The following STK16 variants were observed in gnomAD, a reference collection of about 807,000 sequenced individuals.
STK16 encodes the protein serine/threonine kinase 16, also known as serine/threonine-protein kinase 16.
In STK16, 28 loss-of-function variants were observed where a neutral mutation model predicts 37.8. The ratio of observed to expected loss-of-function variants is 0.74; its 90% CI spans 0.55 to 1.02. The LOEUF (loss-of-function observed/expected upper bound fraction) is 1.02, where lower values mean the gene tolerates loss of function less well. Ranked by LOEUF, STK16 falls within the 50% of genes least tolerant of loss-of-function variation. STK16 has a pLI of 0.00. For missense variants in STK16, 349 were observed against 390.6 expected (o/e 0.89, Z 0.90); for synonymous variants, 134 against 155.0 (o/e 0.86, Z 1.01).
At position 219,246,728 on chromosome 2, in the gene STK16, G is replaced by T. The variant is rs1353021577; in HGVS notation, c.158G>T (p.Cys53Phe). ...TTCTACGCCCTGAAGCGAATCCTGTGTCACGAGCAGCAGGACCGGGAGGAG... is the reference window on the plus strand; with the variant it reads ...TTCTACGCCCTGAAGCGAATCCTGTTTCACGAGCAGCAGGACCGGGAGGAG... The part of the protein sequence containing the change: ...GHFYALKRIL[C>F]HEQQDREEAQ... Residue 53 changes from cysteine to phenylalanine, a missense_variant, in exon 3 of 8, where the codon TGT becomes TTT. Coordinates refer to ENST00000396738, the MANE Select transcript of STK16 (RefSeq NM_001330213.2). The surrounding 1 kb of genome is among the most constrained non-coding windows in gnomAD (Gnocchi z 4.5). The T allele has an allele frequency of 1.2e-6, 2 of 1,614,246 alleles. No homozygotes were observed. Among genetic ancestry groups the T allele is most frequent in the Admixed American group, 3.3e-5 (2 of 60,032 alleles).
Position 219,245,749 on chromosome 2 carries a change from C to A in STK16, c.-152C>A. 3.2e-6 allele frequency: 1 copy of A among 311,752 alleles called. No homozygotes were observed. 19.3% of individuals were successfully genotyped at this position (311,752 alleles called of 1,614,324 possible). A position where few individuals can be genotyped will look rare whatever the true frequency, so the allele number is the denominator to read the frequency against. Reference sequence around the variant, plus strand: ...TGAGGCCGTAAGGCGCCTGACCCCACCCCTGAAGCTGGCGACGGAGCAGGG... The same window carrying A: ...TGAGGCCGTAAGGCGCCTGACCCCAACCCTGAAGCTGGCGACGGAGCAGGG... On this transcript the variant is annotated 5_prime_UTR_variant, in exon 1 of 8. Transcript: ENST00000396738.
In STK16 at chr2:219,245,804, C is replaced by G; in HGVS notation, c.-105+8C>G. On this transcript the variant is annotated splice_region_variant and intron_variant, in intron 1 of 7. Transcript: ENST00000396738. ...TTTTCTCTACACTATAGTGTAGGTT[C>G]CAGAGACCTGGGCCTGAGCTCTCCG... 1.9e-6 allele frequency: 1 copy of G among 516,244 alleles called. No homozygotes were observed. The highest frequency in any genetic ancestry group is 2.2e-5 in the South Asian group (1 of 45,298). The allele number at this position is 516,244 out of a possible 1,614,324, so 32.0% of individuals were successfully genotyped here. A position where few individuals can be genotyped will look rare whatever the true frequency, so the allele number is the denominator to read the frequency against.
intron 6 of STK16, 32 bp from the exon 7 acceptor site, chr2:219,248,161 C>A: frequency 6.2e-7 from 1 of 1,612,584 alleles, no homozygotes; most frequent in Non-Finnish European, 8.5e-7. Flanking sequence ...CTCCACTGGT[C>A]CCCTTCTAGG....
Position 219,247,665 on chromosome 2 carries a change from T to A in STK16, c.565T>A (p.Trp189Arg), listed in dbSNP as rs2125066300. Residue 189 changes from tryptophan (W) to arginine (R), a missense_variant, in exon 6 of 8, where the codon TGG becomes AGG. Physicochemically the swap from Trp to Arg is moderately radical, Grantham distance 101. Transcript: ENST00000396738. ...GSRQALTLQD[W>R]AAQRCTISYR... Reference sequence around the variant, plus strand: ...AGCTCTGGGATCACTGTTCCAGGACTGGGCAGCCCAGCGGTGCACCATCTC... The same window carrying A: ...AGCTCTGGGATCACTGTTCCAGGACAGGGCAGCCCAGCGGTGCACCATCTC... 6 of 1,611,878 alleles carry A rather than the reference T, an allele frequency of 3.7e-6. No homozygotes were observed. Among genetic ancestry groups the A allele is most frequent in the Non-Finnish European group, 4.2e-6 (5 of 1,178,236 alleles).
rs200102494 is a variant in STK16 at position 219,247,409 on chromosome 2, C to CTGT, written c.441-5_441-4insGTT. The CTGT allele has an allele frequency of 9.5e-4, 1,540 of 1,614,200 alleles. 17 individuals are homozygous for CTGT. The African/African-American group carries it at 0.018, about 19-fold the overall frequency. ...ATGCTCATAGGTCACTTCTACTTCT[C>CTGT]TACAGAGACTTGAAGCCCACCAATA... On this transcript the variant is annotated splice_region_variant and splice_polypyrimidine_tract_variant and intron_variant, in intron 4 of 7. Coordinates refer to ENST00000396738, the MANE Select transcript of STK16 (RefSeq NM_001330213.2).
At position 219,245,508 on chromosome 2, in the gene STK16, T is replaced by C. The variant is rs1951507581; in HGVS notation, c.-393T>C. The C allele has an allele frequency of 1.3e-5, 2 of 153,358 alleles. No individual in the cohort carries two copies. The highest frequency in any genetic ancestry group is 3.9e-4 in the East Asian group (2 of 5,184). The allele number at this position is 153,358 out of a possible 1,614,324, so 9.5% of individuals were successfully genotyped here. On this transcript the variant is annotated 5_prime_UTR_variant, in exon 1 of 8. Coordinates refer to ENST00000396738, the MANE Select transcript of STK16 (RefSeq NM_001330213.2). The stretch of plus-strand genomic sequence containing the variant: ...CTGCTTCCGGTCGGTGGCGCTTCTC[T>C]CTGGCCCGAGCCAGGTCAGTCCGGC...
chr2:219,246,482 A>G lies in STK16; in HGVS notation c.87-175A>G, dbSNP rs1348011814. On this transcript the variant is annotated intron_variant, in intron 2 of 7. Coordinates refer to ENST00000396738, the MANE Select transcript of STK16 (RefSeq NM_001330213.2). This position sits in a 1 kb window ranked among gnomAD's most constrained non-coding sequence, Gnocchi z 4.5. ...ACCATAGGACCTCAAAGATTTCTAT[A>G]TCTCTGCTCCTGAGGAGCTCACGGT... 4 of 669,136 alleles carry G rather than the reference A, an allele frequency of 6.0e-6. No individual in the cohort carries two copies. The highest frequency in any genetic ancestry group is 4.9e-5 in the South Asian group (3 of 60,948). 41.4% of individuals were successfully genotyped at this position (669,136 alleles called of 1,614,324 possible). A position where few individuals can be genotyped will look rare whatever the true frequency, so the allele number is the denominator to read the frequency against.
intron 5 of STK16, 33 bp from the exon 6 acceptor site, chr2:219,247,629 C>T (rs1332416008): frequency 6.2e-7 from 1 of 1,613,378 alleles, no homozygotes; most frequent in South Asian, 1.1e-5. Context: ...ATGACCTGTG[C>T]CCCACTTTTG....
rs776930656 is a variant in STK16, at chr2:219,247,093, T to C, written c.307-20T>C. The C allele has an allele frequency of 8.1e-6, 13 of 1,613,930 alleles. No homozygotes were observed. The Admixed American group carries it at 2.0e-4, about 25-fold the overall frequency. On this transcript the variant is annotated intron_variant, in intron 3 of 7. Transcript: ENST00000396738. ...GAGGCTCCAAAAACATCTCCAACTG[T>C]AGGGAAACTTGTGTTGCAGAGAGGT...
Position 219,246,462 on chromosome 2 carries a change from A to T in STK16, c.87-195A>T, listed in dbSNP as rs954994727. 8 of 649,460 alleles carry T rather than the reference A, an allele frequency of 1.2e-5. No homozygotes were observed. The highest frequency in any genetic ancestry group is 9.1e-5 in the African/African-American group (5 of 55,180). 40.2% of individuals were successfully genotyped at this position (649,460 alleles called of 1,614,324 possible). ...GTGCAGAGGTCTCTATTACGACCAT[A>T]GGACCTCAAAGATTTCTATATCTCT... On this transcript the variant is annotated intron_variant, in intron 2 of 7. Transcript: ENST00000396738. This position sits in a 1 kb window ranked among gnomAD's most constrained non-coding sequence, Gnocchi z 4.5.
Position 219,248,191 on chromosome 2 carries a change from A to G in STK16, c.658-2A>G. Reference sequence around the variant, plus strand: ...TCTAGGGACTAATCAAGTTATGCTCAGTCCCTAGGCTGCGTGCTATATGCC... The same window carrying G: ...TCTAGGGACTAATCAAGTTATGCTCGGTCCCTAGGCTGCGTGCTATATGCC... On this transcript the variant is annotated splice_acceptor_variant, in intron 6 of 7. Transcript: ENST00000396738. LOFTEE classifies it high-confidence loss of function. 1 of 1,614,120 alleles carries G rather than the reference A, an allele frequency of 6.2e-7. No individual in the cohort carries two copies. Among genetic ancestry groups the G allele is most frequent in the South Asian group, 1.1e-5 (1 of 91,084 alleles).
In STK16 at chr2:219,247,254, G is replaced by A. The variant is rs372358084; in HGVS notation, c.440+8G>A. 1.7e-5 allele frequency: 28 copies of A among 1,613,964 alleles called. No individual in the cohort carries two copies. Among genetic ancestry groups the A allele is most frequent in the Non-Finnish European group, 2.3e-5 (27 of 1,179,986 alleles). ...CAAGGGTTATGCCCACAGGTCAGTG[G>A]GAGGACCCTGTGTGCTTGCTGGGGC... is the stretch of plus-strand genomic sequence containing the variant. On this transcript the variant is annotated splice_region_variant and intron_variant, in intron 4 of 7. Coordinates refer to ENST00000396738, the MANE Select transcript of STK16 (RefSeq NM_001330213.2).
At position 219,245,509 on chromosome 2, in the gene STK16, C is replaced by T. The variant is rs1445980999; in HGVS notation, c.-392C>T. ...TGCTTCCGGTCGGTGGCGCTTCTCTCTGGCCCGAGCCAGGTCAGTCCGGCA... is the reference window on the plus strand; with the variant it reads ...TGCTTCCGGTCGGTGGCGCTTCTCTTTGGCCCGAGCCAGGTCAGTCCGGCA... On this transcript the variant is annotated 5_prime_UTR_variant, in exon 1 of 8. Coordinates refer to ENST00000396738, the MANE Select transcript of STK16 (RefSeq NM_001330213.2). 2 of 153,368 alleles carry T rather than the reference C, an allele frequency of 1.3e-5. No homozygotes were observed. Among genetic ancestry groups the T allele is most frequent in the African/African-American group, 2.4e-5 (1 of 41,598 alleles). The allele number at this position is 153,368 out of a possible 1,614,324, so 9.5% of individuals were successfully genotyped here.
At position 219,246,976 on chromosome 2, in the gene STK16, G is replaced by A; in HGVS notation, c.306+100G>A. ...TGTTAGGAAGCAGGGACCATGTCCTGGGTTTGGCCACTTTAGATTTTGAGT... is the reference window on the plus strand; with the variant it reads ...TGTTAGGAAGCAGGGACCATGTCCTAGGTTTGGCCACTTTAGATTTTGAGT... On this transcript the variant is annotated intron_variant, in intron 3 of 7. Transcript: ENST00000396738. The surrounding 1 kb of genome is among the most constrained non-coding windows in gnomAD (Gnocchi z 4.5). 6.6e-7 allele frequency: 1 copy of A among 1,524,184 alleles called. No homozygotes were observed. The highest frequency in any genetic ancestry group is 1.2e-5 in the South Asian group (1 of 80,870). 94.4% of individuals were successfully genotyped at this position (1,524,184 alleles called of 1,614,324 possible). A position where few individuals can be genotyped will look rare whatever the true frequency, so the allele number is the denominator to read the frequency against.
Position 219,250,262 on chromosome 2 carries a change from A to T in STK16, c.*1703A>T. 1 of 1,519,998 alleles carries T rather than the reference A, an allele frequency of 6.6e-7. No individual in the cohort carries two copies. Among genetic ancestry groups the T allele is most frequent in the Admixed American group, 2.1e-5 (1 of 48,330 alleles). The allele number at this position is 1,519,998 out of a possible 1,614,324, so 94.2% of individuals were successfully genotyped here. ...AGGGGAAGGCAGCAGAAGCTCAAGC[A>T]CTCAGAGGGAACAAGAAACCGTGCA... is the stretch of plus-strand genomic sequence containing the variant. On this transcript the variant is annotated 3_prime_UTR_variant, in exon 8 of 8. Coordinates refer to ENST00000396738, the MANE Select transcript of STK16 (RefSeq NM_001330213.2). This position sits in a 1 kb window ranked among gnomAD's most constrained non-coding sequence, Gnocchi z 8.4.
Position 219,247,234 on chromosome 2 carries a change from G to T in STK16, c.428G>T (p.Gly143Val). 6.2e-7 allele frequency: 1 copy of T among 1,614,204 alleles called. No homozygotes were observed. The highest frequency in any genetic ancestry group is 1.1e-5 in the South Asian group (1 of 91,092). Residue 143 changes from glycine to valine, a missense_variant, in exon 4 of 8, where the codon GGT becomes GTT. Physicochemically the swap from Gly to Val is moderately radical, Grantham distance 109 (BLOSUM62 -3). Transcript: ENST00000396738. ...CRGLEAIHAK[G>V]YAHRDLKPTN... ...GGCCTTGAGGCCATTCATGCCAAGG[G>T]TTATGCCCACAGGTCAGTGGGAGGA... is the stretch of plus-strand genomic sequence containing the variant.
In STK16 at chr2:219,248,676, A is replaced by G; in HGVS notation, c.*117A>G. ...TCTTACACTTGGGGGTAGCGGGGTC[A>G]GGACAATCATCTCAGTCCTGCATCT... On this transcript the variant is annotated 3_prime_UTR_variant, in exon 8 of 8. Coordinates refer to ENST00000396738, the MANE Select transcript of STK16 (RefSeq NM_001330213.2). 1 of 1,263,634 alleles carries G rather than the reference A, an allele frequency of 7.9e-7. No homozygotes were observed. Among genetic ancestry groups the G allele is most frequent in the East Asian group, 2.8e-5 (1 of 35,090 alleles). 78.3% of individuals were successfully genotyped at this position (1,263,634 alleles called of 1,614,324 possible).
At chr2:219,247,911 A>T (rs1357065519) in intron 6 of STK16, 154 bp downstream of exon 6, 6 of 853,582 alleles carry the variant, frequency 7.0e-6, no homozygotes, top group Non-Finnish European at 9.6e-6. Flanking sequence ...AATGTCACTG[A>T]TACTGTACCC....
chr2:219,248,526 C>T lies in STK16; in HGVS notation c.885C>T (p.Pro295=). ...TCAGTCAGCTGGAGGCGCTTCAGCCCCCAGCTCCTGGCCAACATACTACCC... is the reference window on the plus strand; with the variant it reads ...TCAGTCAGCTGGAGGCGCTTCAGCCTCCAGCTCCTGGCCAACATACTACCC... ...LLLSQLEALQ[P]PAPGQHTTQI is the part of the protein sequence containing the mutation. The change falls in exon 8 of 8, where the codon CCC becomes CCT. Residue 295 remains proline (P), a synonymous_variant. Transcript: ENST00000396738. The T allele has an allele frequency of 6.2e-7, 1 of 1,613,760 alleles. No homozygotes were observed. The highest frequency in any genetic ancestry group is 8.5e-7 in the Non-Finnish European group (1 of 1,179,794).
Sources: gnomAD v4.1 joint callset for allele counts on GRCh38, gnomAD v4.1.1 for gene constraint, Gnocchi (gnomAD v3.1) non-coding constraint, MANE v1.5 for transcripts, NCBI Gene and HGNC (gene_info 2026-07-23, HGNC 2026-07-21) for gene names.